FAM234A: variants seen among roughly 807,000 people sequenced by gnomAD.
FAM234A encodes the protein protein FAM234A.
A neutral mutation model predicts 49.1 loss-of-function variants in FAM234A; 42 were observed. That is an observed-to-expected ratio of 0.86 (90% confidence interval 0.67 to 1.11). The LOEUF (loss-of-function observed/expected upper bound fraction) is 1.11, where lower values mean the gene tolerates loss of function less well. Ranked by LOEUF, FAM234A falls within the 50% of genes least tolerant of loss-of-function variation. The probability of loss-of-function intolerance (pLI) is 0.00; values close to 1 mark genes in which losing one functional copy is unlikely to be tolerated. For synonymous variants in FAM234A, 369 were observed against 316.2 expected (o/e 1.17, Z -1.77); for missense variants, 815 against 745.2 (o/e 1.09, Z -1.09).
chr16:256,674 G>A (rs1042550200), intron 3 of FAM234A, among the ~76,000 whole-genome samples: 6 of 151,556 alleles, frequency 4.0e-5, no homozygotes, highest in Non-Finnish European at 8.8e-5. Flanking sequence ...AGGTTCAAGC[G>A]ATTCTCCTGC....
intron 1 of FAM234A, among the ~76,000 whole-genome samples, chr16:247,814 C>T (rs992575107): frequency 1.3e-5 from 2 of 152,080 alleles, no homozygotes; most frequent in Admixed American, 1.3e-4. Context: ...GCCTCAACGG[C>T]TGGCTCGGTT....
intron 3 of FAM234A, among the ~76,000 whole-genome samples, chr16:258,946 C>T (rs1430279631): frequency 3.3e-5 from 5 of 152,172 alleles, no homozygotes; most frequent in African/African-American, 9.7e-5. Flanking sequence ...CTACACCCAG[C>T]TAATTTTTTG....
At chr16:263,547 C>T (rs1355358580) in intron 9 of FAM234A, 145 bp downstream of exon 9, 2 of 1,295,726 alleles carry the variant, frequency 1.5e-6, no homozygotes, top group African/African-American at 1.5e-5. Context: ...GTCTCTGGTA[C>T]TTGCCCCTTG....
chr16:251,447 T>G (rs2051002753), intron 2 of FAM234A, among the ~76,000 whole-genome samples: 1 of 152,008 alleles, frequency 6.6e-6, no homozygotes, highest in Admixed American at 6.6e-5. Context: ...TGATCTCAGC[T>G]CACTGCAGCC....
chr16:242,332 A>T (rs2050646698), intron 1 of FAM234A, among the ~76,000 whole-genome samples: 1 of 152,078 alleles, frequency 6.6e-6, no homozygotes, highest in Non-Finnish European at 1.5e-5. Flanking sequence ...CTCGTGCTTC[A>T]GCCTTCCCAG....
At chr16:244,028 G>GCA in intron 1 of FAM234A, among the ~76,000 whole-genome samples, 1 of 151,938 alleles carries the variant, frequency 6.6e-6, no homozygotes, top group East Asian at 1.9e-4. Context: ...GAGTGCAGTG[G>GCA]TGCCATCTCG....
downstream of FAM234A, chr16:269,350 C>T: frequency 6.9e-6 from 11 of 1,603,500 alleles, 1 homozygote; most frequent in South Asian, 3.4e-5. Flanking sequence ...GGCTGGGGCT[C>T]GAGTGCCGTG....
Position 266,043 on chromosome 16 carries a change from G to A in FAM234A, c.*1021G>A. ...AGCTTCGTAGCCAAAGCAGCCTGAT[G>A]ACCCACCCACCAAGGAAGAAAGCAG... is the stretch of plus-strand genomic sequence containing the variant. On this transcript the variant is annotated 3_prime_UTR_variant, in exon 13 of 13. Coordinates refer to ENST00000399932, the MANE Select transcript of FAM234A (RefSeq NM_032039.4). 1.0e-6 allele frequency: 1 copy of A among 986,020 alleles called. No homozygotes were observed. Among genetic ancestry groups the A allele is most frequent in the Non-Finnish European group, 1.2e-6 (1 of 830,084 alleles). 61.1% of individuals were successfully genotyped at this position (986,020 alleles called of 1,614,324 possible). A position where few individuals can be genotyped will look rare whatever the true frequency, so the allele number is the denominator to read the frequency against.
chr16:258,299 C>T (rs1489749309), intron 3 of FAM234A, among the ~76,000 whole-genome samples: 2 of 152,110 alleles, frequency 1.3e-5, no homozygotes, highest in Admixed American at 6.6e-5. Flanking sequence ...GAGGTCCCTG[C>T]GGCCTTCCGC....
chr16:241,130 A>G (rs535890749), intron 1 of FAM234A, among the ~76,000 whole-genome samples: 1 of 152,126 alleles, frequency 6.6e-6, no homozygotes, highest in Admixed American at 6.6e-5. Context: ...CATGTTGCCC[A>G]GGCTGGTCTC....
rs1458661301 is a variant in FAM234A at position 264,829 on chromosome 16, G to T, written c.1466G>T (p.Ser489Ile). The T allele has an allele frequency of 6.2e-7, 1 of 1,610,424 alleles. No homozygotes were observed. Among genetic ancestry groups the T allele is most frequent in the Non-Finnish European group, 8.5e-7 (1 of 1,179,648 alleles). Residue 489 changes from serine to isoleucine, a missense_variant, in exon 13 of 13, where the codon AGC becomes ATC. By Grantham distance (142) the Ser-to-Ile change is moderately radical. Transcript: ENST00000399932. Reference protein sequence around the residue: ...VAFDAVLFEPSRHAAYILLTG... With the variant: ...VAFDAVLFEPIRHAAYILLTG... The stretch of plus-strand genomic sequence containing the variant: ...CCTGCAGCCGTCCTGTTTGAGCCAA[G>T]CCGCCACGCCGCCTACATCCTTCTG...
Position 262,487 on chromosome 16 carries a change from C to T in FAM234A, c.905C>T (p.Pro302Leu), listed in dbSNP as rs753072335. ...GAGAAGGTGACCGGGAGCGGCGGCC[C>T]GTTCAAGAGTGACCCGCACTGGGAG... ...LYEKVTGSGG[P>L]FKSDPHWESM... Residue 302 changes from proline to leucine, a missense_variant, in exon 8 of 13, where the codon CCG (proline) becomes CTG (leucine). Physicochemically the swap from Pro to Leu is moderately conservative, Grantham distance 98. Coordinates refer to ENST00000399932, the MANE Select transcript of FAM234A (RefSeq NM_032039.4). The T allele has an allele frequency of 1.7e-5, 27 of 1,612,182 alleles. No homozygotes were observed. The highest frequency in any genetic ancestry group is 1.6e-4 in the Middle Eastern group (1 of 6,076).
Position 254,423 on chromosome 16 carries a change from C to T in FAM234A, c.10C>T (p.His4Tyr). Reference protein sequence around the residue: MLDHKDLEAEIHPL... With the variant: MLDYKDLEAEIHPL... ...TTGGGATGTGCCCGTGATGTTGGAC[C>T]ACAAGGACTTAGAGGCCGAAATCCA... Residue 4 changes from histidine to tyrosine, a missense_variant, in exon 3 of 13, where the codon CAC becomes TAC. By Grantham distance (83) the His-to-Tyr change is moderately conservative. Transcript: ENST00000399932. 3 of 1,613,894 alleles carry T rather than the reference C, an allele frequency of 1.9e-6. No individual in the cohort carries two copies. Among genetic ancestry groups the T allele is most frequent in the Non-Finnish European group, 2.5e-6 (3 of 1,179,960 alleles).
rs757917953 is a variant in FAM234A, at chr16:264,063, C to G, written c.1236C>G (p.Ala412=). The G allele has an allele frequency of 3.7e-6, 6 of 1,613,052 alleles. No homozygotes were observed. In the African/African-American group the frequency reaches 6.7e-5, roughly 18 times the overall value. ...LGTGAVLCSL[A]LPSLPGGPLS... is the part of the protein sequence containing the mutation. ...CTGGAGCCGTCCTGTGTAGCCTAGC[C>G]CTCCCGAGCCTCCCTGGGGGTCCAC... The change falls in exon 11 of 13, where the codon GCC becomes GCG. Residue 412 remains alanine, a synonymous_variant. Coordinates refer to ENST00000399932, the MANE Select transcript of FAM234A (RefSeq NM_032039.4).
At chr16:255,251 A>G (rs746146315) in intron 3 of FAM234A, among the ~76,000 whole-genome samples, 2 of 152,142 alleles carry the variant, frequency 1.3e-5, no homozygotes, top group Admixed American at 6.5e-5. Context: ...CGGCCTCCCA[A>G]CGTGCTGGGA....
intron 2 of FAM234A, among the ~76,000 whole-genome samples, chr16:251,430 A>G (rs2051001927): frequency 6.6e-6 from 1 of 151,728 alleles, no homozygotes; most frequent in Admixed American, 6.6e-5. Context: ...GTGGCAGTGC[A>G]GTGGCGTGAT....
intron 1 of FAM234A, among the ~76,000 whole-genome samples, chr16:236,824 G>T (rs78799392): frequency 4.7e-4 from 46 of 97,584 alleles, no homozygotes; most frequent in South Asian, 9.6e-4. Context: ...GAGAATGGCG[G>T]AAACCCCGGG....
chr16:251,147 T>A (rs533730756), intron 2 of FAM234A, among the ~76,000 whole-genome samples: 4 of 152,078 alleles, frequency 2.6e-5, no homozygotes, highest in Admixed American at 6.5e-5. Flanking sequence ...TTAGTAGAGA[T>A]GGCTTTCACC....
At chr16:254,745 G>T (rs2051164851) in intron 3 of FAM234A, 64 bp downstream of exon 3, 10 of 1,528,738 alleles carry the variant, frequency 6.5e-6, no homozygotes, top group Non-Finnish European at 8.9e-7. Context: ...TGGGGCGGAG[G>T]GGGCAGAACT....
Sources: allele counts gnomAD v4.1 joint callset (sites outside exome capture counted in the v4.1 genomes callset), GRCh38; gene constraint gnomAD v4.1.1; transcripts MANE v1.5; gene names NCBI Gene and HGNC (gene_info 2026-07-23, HGNC 2026-07-21).